Variants in ATP6AP1 observed in about 807,000 individuals in gnomAD.
The protein encoded by ATP6AP1 is V-type proton ATPase subunit S1.
A neutral mutation model predicts 32.0 loss-of-function variants in ATP6AP1; 1 was observed. That is an observed-to-expected ratio of 0.03 (90% CI 0.01 to 0.15). The LOEUF is 0.15. ATP6AP1 is among the 10% of genes least tolerant of loss of function. ATP6AP1 has a pLI of 1.00. For missense variants in ATP6AP1, 297 were observed against 398.8 expected (o/e 0.74, Z 2.17); for synonymous variants, 187 against 174.9 (o/e 1.07, Z -0.55).
rs1205826004 is a variant in ATP6AP1 at position 154,436,267 on chromosome X, G to C, written c.*376G>C. 5.1e-6 allele frequency: 1 copy of C among 195,001 alleles called. No homozygotes were observed. Among genetic ancestry groups the C allele is most frequent in the Non-Finnish European group, 9.4e-6 (1 of 106,157 alleles). 16.1% of individuals were successfully genotyped at this position (195,001 alleles called of 1,213,427 possible). A position where few individuals can be genotyped will look rare whatever the true frequency, so the allele number is the denominator to read the frequency against. Reference sequence around the variant, plus strand: ...TCCTTAAGGTTATAGGGCTCCCTGAGTTTGGGAGTGTGGAAGTACTACTTA... The same window carrying C: ...TCCTTAAGGTTATAGGGCTCCCTGACTTTGGGAGTGTGGAAGTACTACTTA... On this transcript the variant is annotated 3_prime_UTR_variant, in exon 10 of 10. Coordinates refer to ENST00000369762, the MANE Select transcript of ATP6AP1 (RefSeq NM_001183.6).
intron 2 of ATP6AP1, chrX:154,430,366 ACCT>A (rs1375044882): frequency 9.0e-6 from 1 of 111,651 alleles, no homozygotes; most frequent in African/African-American, 3.3e-5. Flanking sequence ...TGATCCACCC[ACCT>A]CAGCCTCCCA....
At chrX:154,433,212 G>A (rs2068703109) in intron 5 of ATP6AP1, among the ~76,000 whole-genome samples, 1 of 112,190 alleles carries the variant, frequency 8.9e-6, no homozygotes, top group African/African-American at 3.2e-5. Flanking sequence ...GCTGGAGGCT[G>A]TGGAGCCAGT....
rs371934768 is a variant in ATP6AP1 at position 154,435,260 on chromosome X, G to A, written c.972-14G>A. The A allele has an allele frequency of 3.3e-6, 4 of 1,208,775 alleles. No homozygotes were observed. The African/African-American group carries it at 7.0e-5, about 21-fold the overall frequency. ...CCTCCCCAGCTCACCTGACATCCCT[G>A]CCACCTTCCCCAGGTTCATTCTGGC... On this transcript the variant is annotated splice_polypyrimidine_tract_variant and intron_variant, in intron 8 of 9. Coordinates refer to ENST00000369762, the MANE Select transcript of ATP6AP1 (RefSeq NM_001183.6).
intron 8 of ATP6AP1, 43 bp from the exon 9 acceptor site, chrX:154,435,231 C>G (rs1557197451): frequency 8.3e-7 from 1 of 1,205,585 alleles, no homozygotes; most frequent in African/African-American, 1.8e-5. Flanking sequence ...TGGTGTGGCC[C>G]CAGCCTCCCC....
rs74526112 is a variant in ATP6AP1, at chrX:154,429,112, A to G, written c.226A>G (p.Thr76Ala). Reference protein sequence around the residue: ...GHITSDLQLSTYLDPALELGP... With the variant: ...GHITSDLQLSAYLDPALELGP... Reference sequence around the variant, plus strand: ...CATCACCAGCGACTTGCAGCTCTCTACCTACTTAGATCCCGCCCTGGAGCT... The same window carrying G: ...CATCACCAGCGACTTGCAGCTCTCTGCCTACTTAGATCCCGCCCTGGAGCT... Residue 76 changes from threonine to alanine, a missense_variant, in exon 2 of 10, where the codon ACC (threonine) becomes GCC (alanine). Transcript: ENST00000369762. 7.9e-3 allele frequency: 9,534 copies of G among 1,209,554 alleles called. 433 individuals are homozygous for G. In the African/African-American group the frequency reaches 0.14, roughly 18 times the overall value.
At position 154,432,295 on chromosome X, in the gene ATP6AP1, G is replaced by T. The variant is rs781802943; in HGVS notation, c.393G>T (p.Leu131=). The T allele has an allele frequency of 1.7e-6, 2 of 1,209,294 alleles. No individual in the cohort carries two copies. The highest frequency in any genetic ancestry group is 5.9e-5 in the East Asian group (2 of 33,757). Reference sequence around the variant, plus strand: ...CCCTGGACCTGGCCCCCTCCTCACTGGTGCTTCCTGCCGTCGACTGGTATG... The same window carrying T: ...CCCTGGACCTGGCCCCCTCCTCACTTGTGCTTCCTGCCGTCGACTGGTATG... The part of the protein sequence containing the change: ...ENALDLAPSS[L]VLPAVDWYAV... The change falls in exon 4 of 10, where the codon CTG becomes CTT. Residue 131 remains leucine, a synonymous_variant. Transcript: ENST00000369762.
At chrX:154,435,095 C>T (rs1557197411) in intron 7 of ATP6AP1, 44 bp from the exon 8 acceptor site, 1 of 1,187,652 alleles carries the variant, frequency 8.4e-7, no homozygotes, top group South Asian at 1.8e-5. Flanking sequence ...ATGCCAAAGG[C>T]CCTCCCAGAG....
At chrX:154,430,661 C>T (rs1224283609) in intron 2 of ATP6AP1, 2 of 111,681 alleles carry the variant, frequency 1.8e-5, no homozygotes, top group Non-Finnish European at 3.8e-5. Context: ...GTGTTACGGC[C>T]TTTAGGGAAG....
Position 154,436,324 on chromosome X carries a change from T to G in ATP6AP1, c.*433T>G. 7.2e-6 allele frequency: 1 copy of G among 139,818 alleles called. No homozygotes were observed. Among genetic ancestry groups the G allele is most frequent in the Non-Finnish European group, 1.4e-5 (1 of 69,951 alleles). The allele number at this position is 139,818 out of a possible 1,213,427, so 11.5% of individuals were successfully genotyped here. On this transcript the variant is annotated 3_prime_UTR_variant, in exon 10 of 10. Transcript: ENST00000369762. ...TGTCCTGCTTGGCTGTCGTTATCGT[T>G]TTCTGGTGATGTTGTGCTAACAATA... is the stretch of plus-strand genomic sequence containing the variant.
chrX:154,430,783 G>C (rs959745267), intron 2 of ATP6AP1: 9 of 111,430 alleles, frequency 8.1e-5, no homozygotes, highest in Non-Finnish European at 1.5e-4. Flanking sequence ...GAGGGAGGGA[G>C]CCGTTTGGGG....
At chrX:154,431,806 A>T in intron 2 of ATP6AP1, 24 bp from the exon 3 acceptor site, 1 of 1,206,871 alleles carries the variant, frequency 8.3e-7, no homozygotes, top group Non-Finnish European at 1.1e-6. Flanking sequence ...ACCTCCTCAG[A>T]TGTCTCCCCT....
chrX:154,432,648 C>T (rs2068700213), intron 4 of ATP6AP1, among the ~76,000 whole-genome samples, 189 bp downstream of exon 4: 1 of 112,467 alleles, frequency 8.9e-6, no homozygotes, highest in South Asian at 3.6e-4. Flanking sequence ...GGAGTTGGTG[C>T]CTAGCACTGA....
chrX:154,433,086 T>A (rs2068702626), intron 5 of ATP6AP1, 115 bp downstream of exon 5: 1 of 893,909 alleles, frequency 1.1e-6, no homozygotes, highest in African/African-American at 2.0e-5. Flanking sequence ...CGCCTGCTTC[T>A]CGGGGCAGCT....
At chrX:154,430,524 G>A (rs1557196622) in intron 2 of ATP6AP1, 1 of 112,314 alleles carries the variant, frequency 8.9e-6, no homozygotes, top group East Asian at 2.8e-4. Context: ...AGCCTACTAT[G>A]TGCCAGGTAT....
At position 154,432,197 on chromosome X, in the gene ATP6AP1, G is replaced by C. The variant is rs2068697068; in HGVS notation, c.364-69G>C. ...CTTGCCAGAGGAGAGCTGCCAGAGAGGTGTGGGGGGCTGGGCCAGGCCCAC... is the reference window on the plus strand; with the variant it reads ...CTTGCCAGAGGAGAGCTGCCAGAGACGTGTGGGGGGCTGGGCCAGGCCCAC... On this transcript the variant is annotated intron_variant, in intron 3 of 9. Coordinates refer to ENST00000369762, the MANE Select transcript of ATP6AP1 (RefSeq NM_001183.6). The C allele has an allele frequency of 3.0e-6, 3 of 1,016,279 alleles. No individual in the cohort carries two copies. In the Admixed American group the frequency reaches 8.4e-5, roughly 28 times the overall value. The allele number at this position is 1,016,279 out of a possible 1,213,427, so 83.8% of individuals were successfully genotyped here. A position where few individuals can be genotyped will look rare whatever the true frequency, so the allele number is the denominator to read the frequency against.
intron 7 of ATP6AP1, among the ~76,000 whole-genome samples, 169 bp downstream of exon 7, chrX:154,434,615 G>T (rs1352921984): frequency 3.6e-5 from 4 of 111,500 alleles, no homozygotes; most frequent in Non-Finnish European, 7.6e-5. Context: ...TCATGGCATG[G>T]GGTGCTGTTG....
At chrX:154,431,769 C>T in intron 2 of ATP6AP1, 61 bp from the exon 3 acceptor site, 1 of 1,129,719 alleles carries the variant, frequency 8.9e-7, no homozygotes, top group East Asian at 3.0e-5. Context: ...GTGGCTGTCC[C>T]CTGCCTTGGC....
intron 3 of ATP6AP1, 109 bp from the exon 4 acceptor site, chrX:154,432,157 C>A: frequency 2.4e-6 from 2 of 828,882 alleles, no homozygotes; most frequent in East Asian, 6.6e-5. Context: ...TCTTGGTGAG[C>A]CTTTATGGGT....
Position 154,432,376 on chromosome X carries a change from T to C in ATP6AP1, c.474T>C (p.His158=). ...AGAAGCTCGGGGCCAGCCCCTTGCA[T>C]GTGGACCTGGCCACCCTGCGGGAGC... is the stretch of plus-strand genomic sequence containing the variant. ...LQEKLGASPL[H]VDLATLRELK... Residue 158 remains histidine, a synonymous_variant, in exon 4 of 10, where the codon CAT becomes CAC. Transcript: ENST00000369762. 1 of 1,211,165 alleles carries C rather than the reference T, an allele frequency of 8.3e-7. No homozygotes were observed.
Sources: allele counts gnomAD v4.1 joint callset (sites outside exome capture counted in the v4.1 genomes callset), GRCh38; gene constraint gnomAD v4.1.1; transcripts MANE v1.5; gene names NCBI Gene and HGNC (gene_info 2026-07-23, HGNC 2026-07-21).